PCDH15: variants seen among roughly 807,000 people sequenced by gnomAD.
PCDH15 encodes the protein protocadherin-15.
Under a neutral mutation model 178.5 loss-of-function variants are expected in PCDH15, and 129 were observed. The observed-to-expected ratio is 0.72, with a 90% confidence interval of 0.63 to 0.84. PCDH15 has a LOEUF of 0.84. Ranked by LOEUF, PCDH15 falls within the 40% of genes least tolerant of loss-of-function variation. PCDH15 has a pLI of 0.00. For missense variants in PCDH15, 2,230 were observed against 2,099.9 expected, an observed-to-expected ratio of 1.06 and a Z score of -1.21; for synonymous variants, 800 against 732.0, an observed-to-expected ratio of 1.09 and a Z score of -1.50.
chr10:55,149,698 C>T (rs72637045), intron 2 of PCDH15, among the ~76,000 whole-genome samples: 2 of 33,304 alleles, frequency 6.0e-5, no homozygotes, highest in East Asian at 2.7e-3. Context: ...ATATCTTTTT[C>T]TCTTCCTTTC....
chr10:55,223,918 C>T (rs1306923765), intron 1 of PCDH15, among the ~76,000 whole-genome samples: 3 of 151,986 alleles, frequency 2.0e-5, no homozygotes, highest in African/African-American at 7.3e-5. Flanking sequence ...GAAGCACATA[C>T]CCTCTATAAT....
chr10:55,222,084 C>G (rs992675150), intron 1 of PCDH15, among the ~76,000 whole-genome samples: 1 of 151,164 alleles, frequency 6.6e-6, no homozygotes. Context: ...ACCGTGTTAG[C>G]CAGGATGGTC....
At chr10:55,216,971 C>G (rs979137704) in intron 1 of PCDH15, among the ~76,000 whole-genome samples, 2 of 151,848 alleles carry the variant, frequency 1.3e-5, no homozygotes, top group Non-Finnish European at 2.9e-5. Context: ...CACAGAGATG[C>G]TAAACTGAGG....
At chr10:54,589,878 G>A (rs956668291) in intron 2 of PCDH15, among the ~76,000 whole-genome samples, 1 of 152,116 alleles carries the variant, frequency 6.6e-6, no homozygotes, top group Admixed American at 6.6e-5. Flanking sequence ...TTACAGGCAT[G>A]AGCCACTGTG....
intron 2 of PCDH15, among the ~76,000 whole-genome samples, chr10:55,090,190 T>C (rs990702867): frequency 6.6e-6 from 1 of 152,010 alleles, no homozygotes; most frequent in Admixed American, 6.6e-5. Flanking sequence ...ATAGAAAAGA[T>C]GAACTATTCA....
At chr10:55,015,754 C>T (rs1164228882) in intron 2 of PCDH15, among the ~76,000 whole-genome samples, 1 of 152,130 alleles carries the variant, frequency 6.6e-6, no homozygotes, top group Non-Finnish European at 1.5e-5. Context: ...TCTGATTGTC[C>T]TGCAGCAGAT....
chr10:53,823,017 A>ATCTT lies in PCDH15; in HGVS notation c.4368-2791_4368-2788dup, dbSNP rs1554820749. ...GACTGACTGACTCCACAGCCTCTGA[A>ATCTT]TCTTTTCTCTTGGGCCCCTCAGAGA... On this transcript the variant is annotated intron_variant, in intron 32 of 37. Coordinates refer to ENST00000644397, the MANE Select transcript of PCDH15 (RefSeq NM_001384140.1). 2 of 1,613,938 alleles carry ATCTT rather than the reference A, an allele frequency of 1.2e-6. No homozygotes were observed. The highest frequency in any genetic ancestry group is 8.5e-7 in the Non-Finnish European group (1 of 1,179,918).
intron 2 of PCDH15, among the ~76,000 whole-genome samples, chr10:55,120,436 G>T (rs1837736997): frequency 6.6e-6 from 1 of 152,106 alleles, no homozygotes; most frequent in Admixed American, 6.5e-5. Flanking sequence ...AATTCCTTGG[G>T]ACTAGACGTA....
At chr10:54,169,944 C>A (rs1250653124) in intron 13 of PCDH15, among the ~76,000 whole-genome samples, 1 of 150,782 alleles carries the variant, frequency 6.6e-6, no homozygotes, top group Non-Finnish European at 1.5e-5. Flanking sequence ...GCTGCCAAAC[C>A]CATATACTCT....
chr10:54,766,911 C>G (rs1237124626), intron 1 of PCDH15, among the ~76,000 whole-genome samples: 1 of 151,074 alleles, frequency 6.6e-6, no homozygotes, highest in Non-Finnish European at 1.5e-5. Flanking sequence ...GCCTGGGCGA[C>G]AGAGCGAGAC....
At chr10:54,173,414 T>C (rs866977757) in intron 13 of PCDH15, among the ~76,000 whole-genome samples, 1 of 152,202 alleles carries the variant, frequency 6.6e-6, no homozygotes, top group Admixed American at 6.5e-5. Flanking sequence ...ACTTATGTTT[T>C]CAGTCAGTTT....
chr10:53,949,507 T>A (rs1484780350), intron 23 of PCDH15, among the ~76,000 whole-genome samples: 1 of 152,082 alleles, frequency 6.6e-6, no homozygotes, highest in Non-Finnish European at 1.5e-5. Context: ...AATCTGTAAG[T>A]CCAAACTTGG....
chr10:55,223,327 G>C (rs1840938025), intron 1 of PCDH15, among the ~76,000 whole-genome samples: 1 of 152,014 alleles, frequency 6.6e-6, no homozygotes, highest in African/African-American at 2.4e-5. Context: ...AATAACCTCA[G>C]CTTTATCTTT....
chr10:55,484,124 C>G (rs1046173337), intron 2 of PCDH15, among the ~76,000 whole-genome samples: 1 of 151,596 alleles, frequency 6.6e-6, no homozygotes, highest in Non-Finnish European at 1.5e-5. Context: ...GAACAACACA[C>G]GCTGGGGCCT....
intron 1 of PCDH15, among the ~76,000 whole-genome samples, chr10:55,218,482 C>T: frequency 6.6e-6 from 1 of 152,006 alleles, no homozygotes; most frequent in East Asian, 1.9e-4. Flanking sequence ...CTGGAAACAG[C>T]TCTTGCCTTT....
chr10:55,120,988 G>A (rs1356226268), intron 2 of PCDH15, among the ~76,000 whole-genome samples: 1 of 152,134 alleles, frequency 6.6e-6, no homozygotes, highest in African/African-American at 2.4e-5. Flanking sequence ...GTTTAATAGA[G>A]CTGTGGATGC....
chr10:54,600,213 GA>G, intron 2 of PCDH15: 1 of 606,384 alleles, frequency 1.6e-6, no homozygotes. Context: ...TGCACTTGGA[GA>G]AAGAGACCAA....
At chr10:55,097,088 T>G (rs994441121) in intron 2 of PCDH15, among the ~76,000 whole-genome samples, 3 of 152,066 alleles carry the variant, frequency 2.0e-5, no homozygotes, top group Non-Finnish European at 4.4e-5. Context: ...CTTTACCAAA[T>G]AAAAAAGTTG....
In PCDH15 at chr10:55,016,766, A is replaced by T. The variant is rs114175481; in HGVS notation, c.-79-119266T>A. Among the ~76,000 whole-genome samples, 177 of 152,276 alleles carry T rather than the reference A, an allele frequency of 1.2e-3. 1 individual carries two copies. Among genetic ancestry groups the T allele is most frequent in the African/African-American group, 4.0e-3 (165 of 41,568 alleles). ...CCTTTCTTTTGGGTATATACCTAGC[A>T]GTGGGATTGCTGGATCACATGAACC... On this transcript the variant is annotated intron_variant, in intron 2 of 5. Coordinates refer to the PCDH15 transcript ENST00000458638.
Sources: gnomAD v4.1 joint callset for allele counts (sites outside exome capture counted in the v4.1 genomes callset) on GRCh38, gnomAD v4.1.1 for gene constraint, MANE v1.5 for transcripts, NCBI Gene and HGNC (gene_info 2026-07-23, HGNC 2026-07-21) for gene names.